FHOD3: variants seen among roughly 807,000 people sequenced by gnomAD.
FHOD3 encodes FH1/FH2 domain-containing protein 3.
FHOD3 carries 90 observed loss-of-function variants against 173.0 expected under a neutral mutation model. The ratio of observed to expected loss-of-function variants is 0.52; its 90% CI spans 0.44 to 0.62. The LOEUF is 0.62. Among genes scored for constraint, FHOD3 ranks in the 20% least tolerant of loss-of-function variants. FHOD3 has a pLI of 0.00. For missense variants in FHOD3, 1,945 were observed against 2,034.7 expected, an observed-to-expected ratio of 0.96 and a Z score of 0.85; for synonymous variants, 828 against 823.0, an observed-to-expected ratio of 1.01 and a Z score of -0.10.
intron 9 of FHOD3, among the ~76,000 whole-genome samples, chr18:36,617,902 T>C (rs1364104785): frequency 6.6e-6 from 1 of 152,214 alleles, no homozygotes; most frequent in Non-Finnish European, 1.5e-5. Context: ...TTTGCTAAAT[T>C]ACATTTCCTA....
At chr18:36,308,197 A>G (rs1301011301) in intron 1 of FHOD3, among the ~76,000 whole-genome samples, 1 of 152,264 alleles carries the variant, frequency 6.6e-6, no homozygotes, top group Admixed American at 6.5e-5. Context: ...GCTATAATAC[A>G]TACCTGCAGA....
chr18:36,596,435 G>C (rs749693736), intron 7 of FHOD3, among the ~76,000 whole-genome samples: 1 of 146,702 alleles, frequency 6.8e-6, no homozygotes, highest in Non-Finnish European at 1.5e-5. Flanking sequence ...CACCTGCCTC[G>C]GCCTCCCAAA....
intron 7 of FHOD3, among the ~76,000 whole-genome samples, chr18:36,601,328 TGTA>T (rs2031353378): frequency 6.6e-6 from 1 of 152,196 alleles, no homozygotes. Flanking sequence ...TTTTACGTCT[TGTA>T]GTAAGTAGGT....
chr18:36,596,787 T>G (rs1568473246), intron 7 of FHOD3, among the ~76,000 whole-genome samples: 1 of 152,130 alleles, frequency 6.6e-6, no homozygotes. Context: ...AAGTTTCTTC[T>G]GCCACAAAAT....
intron 16 of FHOD3, among the ~76,000 whole-genome samples, chr18:36,689,623 TTCAC>T (rs1436311760): frequency 8.5e-5 from 13 of 152,314 alleles, no homozygotes; most frequent in African/African-American, 2.9e-4. Context: ...TAAAATGACA[TTCAC>T]AAATAATTTA....
chr18:36,679,728 T>A (rs1485900805), intron 14 of FHOD3, among the ~76,000 whole-genome samples: 1 of 152,192 alleles, frequency 6.6e-6, no homozygotes, highest in Non-Finnish European at 1.5e-5. Flanking sequence ...TCAATGCAGT[T>A]GCATTATGAT....
intron 5 of FHOD3, among the ~76,000 whole-genome samples, chr18:36,517,754 C>G (rs1453837323): frequency 6.6e-6 from 1 of 152,166 alleles, no homozygotes; most frequent in Admixed American, 6.5e-5. Context: ...TGTTTGCCCT[C>G]ATATATTGTT....
At chr18:36,651,046 G>T (rs1047275794) in intron 11 of FHOD3, among the ~76,000 whole-genome samples, 2 of 152,102 alleles carry the variant, frequency 1.3e-5, no homozygotes, top group African/African-American at 4.8e-5. Context: ...TTGTTCTCTG[G>T]CGTAAACTTC....
intron 5 of FHOD3, among the ~76,000 whole-genome samples, chr18:36,572,070 CCA>C (rs2058472121): frequency 6.6e-6 from 1 of 152,200 alleles, no homozygotes; most frequent in Non-Finnish European, 1.5e-5. Flanking sequence ...TCATTCCTCA[CCA>C]CACCCCTGCA....
At chr18:36,382,204 C>A (rs573147837) in intron 3 of FHOD3, among the ~76,000 whole-genome samples, 1 of 152,066 alleles carries the variant, frequency 6.6e-6, no homozygotes, top group Admixed American at 6.5e-5. Flanking sequence ...GGGATGCTGT[C>A]GTCCCCAAAT....
chr18:36,375,438 C>A (rs1031679364), intron 3 of FHOD3, among the ~76,000 whole-genome samples: 1 of 152,184 alleles, frequency 6.6e-6, no homozygotes. Context: ...TGGAAGGATC[C>A]AGGACCAGGG....
intron 10 of FHOD3, among the ~76,000 whole-genome samples, chr18:36,630,128 T>G (rs1261132999): frequency 1.3e-5 from 2 of 152,226 alleles, no homozygotes; most frequent in Non-Finnish European, 2.9e-5. Context: ...AAGGGTAGTT[T>G]TCTTAGAAGC....
chr18:36,777,577 C>T (rs1423925915), intron 28 of FHOD3: 2 of 152,144 alleles, frequency 1.3e-5, no homozygotes, highest in African/African-American at 4.8e-5. Context: ...GATATTTTAT[C>T]TTATTTACTG....
At chr18:36,411,111 C>T (rs6507168) in intron 3 of FHOD3, among the ~76,000 whole-genome samples, 7,982 of 152,158 alleles carry the variant, frequency 0.052, 698 homozygotes, top group African/African-American at 0.18. Context: ...AGATTTACTT[C>T]AATTTTTCTC....
intron 20 of FHOD3, among the ~76,000 whole-genome samples, chr18:36,735,572 T>C (rs1243896176): frequency 6.6e-6 from 1 of 152,212 alleles, no homozygotes; most frequent in African/African-American, 2.4e-5. Context: ...GATACAATAA[T>C]TTCTGCCCTA....
At chr18:36,429,494 T>A (rs893350473) in intron 3 of FHOD3, among the ~76,000 whole-genome samples, 3 of 152,196 alleles carry the variant, frequency 2.0e-5, no homozygotes, top group African/African-American at 7.2e-5. Context: ...AGCCTCCATC[T>A]GCCTTTTTGA....
At position 36,383,216 on chromosome 18, in the gene FHOD3, A is replaced by G. The variant is rs9950754; in HGVS notation, c.337+10472A>G. Among the ~76,000 whole-genome samples the G allele has an allele frequency of 3.6e-3, 544 of 152,146 alleles. 6 individuals carry two copies. The highest frequency in any genetic ancestry group is 0.012 in the African/African-American group (502 of 41,522). ...GGCCTGGGATGTCACCTAGGAATGG[A>G]TGGATGGAAGGGGCGAGGGAATTTT... On this transcript the variant is annotated intron_variant, in intron 3 of 28. Coordinates refer to ENST00000590592, the MANE Select transcript of FHOD3 (RefSeq NM_001281740.3).
At chr18:36,445,993 C>T (rs2051448696) in intron 3 of FHOD3, among the ~76,000 whole-genome samples, 1 of 152,212 alleles carries the variant, frequency 6.6e-6, no homozygotes, top group Non-Finnish European at 1.5e-5. Flanking sequence ...TAGGGCTTCC[C>T]TCCAGGTCTC....
intron 3 of FHOD3, among the ~76,000 whole-genome samples, chr18:36,470,863 T>G (rs2053243206): frequency 6.6e-6 from 1 of 152,152 alleles, no homozygotes; most frequent in African/African-American, 2.4e-5. Context: ...GTGGCAGCAA[T>G]GGTGAGTTAA....
Sources: allele counts gnomAD v4.1 joint callset (sites outside exome capture counted in the v4.1 genomes callset), GRCh38; gene constraint gnomAD v4.1.1; transcripts MANE v1.5; gene names NCBI Gene and HGNC (gene_info 2026-07-23, HGNC 2026-07-21).